SYNPO2: variants seen among roughly 807,000 people sequenced by gnomAD.
SYNPO2 encodes the protein synaptopodin 2, also known as synaptopodin-2.
A neutral mutation model predicts 85.0 loss-of-function variants in SYNPO2; 56 were observed. The ratio of observed to expected loss-of-function variants is 0.66; its 90% CI spans 0.53 to 0.82. The LOEUF (loss-of-function observed/expected upper bound fraction) is 0.82, where lower values mean the gene tolerates loss of function less well. SYNPO2 is among the 40% of genes least tolerant of loss of function. SYNPO2 has a pLI of 0.00. For missense variants in SYNPO2, 1,575 were observed against 1,534.2 expected (o/e 1.03, Z -0.44); for synonymous variants, 602 against 591.1 (o/e 1.02, Z -0.27).
intron 1 of SYNPO2, among the ~76,000 whole-genome samples, chr4:118,967,071 T>C (rs1735342306): frequency 6.6e-6 from 1 of 152,228 alleles, no homozygotes; most frequent in African/African-American, 2.4e-5. Flanking sequence ...AGATTAATTC[T>C]ATGAATTCTT....
Position 119,027,152 on chromosome 4 carries a change from G to C in SYNPO2, c.783G>C (p.Gln261His), listed in dbSNP as rs771281255. 2.5e-6 allele frequency: 4 copies of C among 1,614,198 alleles called. No homozygotes were observed. Among genetic ancestry groups the C allele is most frequent in the Admixed American group, 1.7e-5 (1 of 60,024 alleles). Residue 261 changes from glutamine (Q) to histidine (H), a missense_variant, in exon 3 of 5, where the codon CAG (glutamine) becomes CAC (histidine). Physicochemically the swap from Gln to His is conservative, Grantham distance 24. Coordinates refer to ENST00000307142, the MANE Select transcript of SYNPO2 (RefSeq NM_133477.3). The stretch of plus-strand genomic sequence containing the variant: ...TCCTGAGGTCCAGCAAGATAATCCA[G>C]ATCTCCAGTGGCAGAGAGTTGAGAG... ...DPFLRSSKII[Q>H]ISSGRELRVI... is the part of the protein sequence containing the mutation.
intron 3 of SYNPO2, among the ~76,000 whole-genome samples, chr4:119,028,612 T>C (rs1281200615): frequency 6.6e-6 from 1 of 152,176 alleles, no homozygotes; most frequent in African/African-American, 2.4e-5. Context: ...TATTTAGTAA[T>C]AACCACAGTT....
At chr4:119,035,529 A>G in intron 4 of SYNPO2, 1 of 985,430 alleles carries the variant, frequency 1.0e-6, no homozygotes, top group Non-Finnish European at 1.2e-6. Flanking sequence ...TTGGGTTGTC[A>G]CTCTAGAGCA....
chr4:119,035,076 A>G (rs1011312438), intron 4 of SYNPO2: 2 of 985,288 alleles, frequency 2.0e-6, no homozygotes, highest in African/African-American at 3.5e-5. Context: ...TTCCTATGTT[A>G]TGTTAGGTGC....
intron 1 of SYNPO2, among the ~76,000 whole-genome samples, chr4:118,915,789 C>T (rs1733297988): frequency 6.6e-6 from 1 of 152,148 alleles, no homozygotes; most frequent in Admixed American, 6.5e-5. Context: ...TTTTACATTT[C>T]CACCAACAAT....
chr4:118,898,628 T>C (rs1006852084), intron 1 of SYNPO2, among the ~76,000 whole-genome samples: 1 of 152,138 alleles, frequency 6.6e-6, no homozygotes, highest in Admixed American at 6.5e-5. Flanking sequence ...AAGTAAAAAA[T>C]TGAAGATCAT....
chr4:118,964,338 ACAC>A (rs1399337076), intron 1 of SYNPO2, among the ~76,000 whole-genome samples: 5 of 106,938 alleles, frequency 4.7e-5, no homozygotes, highest in African/African-American at 1.6e-4. Flanking sequence ...ACACACACAC[ACAC>A]TAGCCAGGTG....
In SYNPO2 at chr4:119,030,771, C is replaced by T; in HGVS notation, c.1996C>T (p.Arg666Ter). The change falls in exon 4 of 5, where the codon CGA becomes TGA. Residue 666 changes from arginine to a stop codon, truncating the protein, a stop_gained. Coordinates refer to ENST00000307142, the MANE Select transcript of SYNPO2 (RefSeq NM_133477.3). LOFTEE classifies it high-confidence loss of function. ...SQPAFYDSSE[R>*]IASRDERISV... ...GCCAGCCTTTTACGATTCGTCTGAG[C>T]GAATAGCTTCCCGAGATGAGAGGAT... 6.2e-7 allele frequency: 1 copy of T among 1,614,050 alleles called. No individual in the cohort carries two copies. Among genetic ancestry groups the T allele is most frequent in the Non-Finnish European group, 8.5e-7 (1 of 1,180,022 alleles).
intron 1 of SYNPO2, among the ~76,000 whole-genome samples, chr4:118,972,603 G>A (rs1735579700): frequency 6.6e-6 from 1 of 152,074 alleles, no homozygotes; most frequent in Non-Finnish European, 1.5e-5. Flanking sequence ...GAAGGGAAAC[G>A]AGCAAATTTG....
At chr4:118,991,117 G>A (rs1193681343) in intron 1 of SYNPO2, among the ~76,000 whole-genome samples, 1 of 152,038 alleles carries the variant, frequency 6.6e-6, no homozygotes, top group East Asian at 1.9e-4. Context: ...CTAATTAAAT[G>A]ACTCTTTTTA....
At chr4:119,002,539 G>C (rs1169841464) in intron 1 of SYNPO2, among the ~76,000 whole-genome samples, 1 of 152,178 alleles carries the variant, frequency 6.6e-6, no homozygotes, top group Non-Finnish European at 1.5e-5. Flanking sequence ...GAGCCACTGT[G>C]CTGGGCCAAT....
chr4:118,940,842 C>A (rs1032217139), intron 1 of SYNPO2, among the ~76,000 whole-genome samples: 4 of 152,168 alleles, frequency 2.6e-5, no homozygotes, highest in African/African-American at 9.7e-5. Context: ...TCTCTCCTGT[C>A]ACCCCCATCT....
At chr4:119,007,233 T>TACATATATAAGTATATAC (rs1560971895) in intron 1 of SYNPO2, among the ~76,000 whole-genome samples, 1 of 42,090 alleles carries the variant, frequency 2.4e-5, no homozygotes, top group Admixed American at 3.2e-4. Context: ...TATATATATA[T>TACATATATAAGTATATAC]ATATATATAT....
At chr4:119,046,047 T>C (rs1271928905) in intron 4 of SYNPO2, among the ~76,000 whole-genome samples, 1 of 152,096 alleles carries the variant, frequency 6.6e-6, no homozygotes, top group East Asian at 1.9e-4. Flanking sequence ...CAATTTAGGG[T>C]AATATTAGGG....
intron 1 of SYNPO2, among the ~76,000 whole-genome samples, chr4:118,879,144 A>C (rs1441817002): frequency 3.3e-5 from 5 of 152,206 alleles, no homozygotes; most frequent in Admixed American, 2.6e-4. Context: ...GAAACTCCCG[A>C]CACATCTGAA....
chr4:118,877,356 AAACGGGACCCAAATAAAC>A lies in SYNPO2; in HGVS notation c.12+26417_12+26434del, dbSNP rs1376993650. Among the ~76,000 whole-genome samples the A allele has an allele frequency of 2.6e-5, 4 of 152,318 alleles. No homozygotes were observed. In the South Asian group the frequency reaches 6.2e-4, roughly 24 times the overall value. On this transcript the variant is annotated intron_variant, in intron 1 of 4. Transcript: ENST00000610556. ...AATTTTTACAAAAACAGAAATTGAC[AAACGGGACCCAAATAAAC>A]TAAAGAGCTTTTGCACAGCAAAAGA...
intron 1 of SYNPO2, among the ~76,000 whole-genome samples, chr4:118,926,699 G>C (rs951040141): frequency 6.6e-6 from 1 of 152,154 alleles, no homozygotes; most frequent in African/African-American, 2.4e-5. Context: ...TCAGTTAAAA[G>C]AGGCACCTTG....
At chr4:118,983,384 C>G (rs548746460) in intron 1 of SYNPO2, among the ~76,000 whole-genome samples, 1 of 152,118 alleles carries the variant, frequency 6.6e-6, no homozygotes, top group African/African-American at 2.4e-5. Flanking sequence ...CATGCTCTGG[C>G]CTTCCTTTAC....
chr4:118,921,182 C>G (rs1373562418), intron 1 of SYNPO2, among the ~76,000 whole-genome samples: 1 of 152,168 alleles, frequency 6.6e-6, no homozygotes, highest in Non-Finnish European at 1.5e-5. Flanking sequence ...GCTGATATCA[C>G]AGGTGTGAGC....
Sources: gnomAD v4.1 joint callset for allele counts (sites outside exome capture counted in the v4.1 genomes callset) on GRCh38, gnomAD v4.1.1 for gene constraint, MANE v1.5 for transcripts, NCBI Gene and HGNC (gene_info 2026-07-23, HGNC 2026-07-21) for gene names.